Variants in FGGY observed in about 807,000 individuals in gnomAD.
The protein encoded by FGGY is FGGY carbohydrate kinase domain containing, also known as FGGY carbohydrate kinase domain-containing protein.
Under a neutral mutation model 71.3 loss-of-function variants are expected in FGGY, and 72 were observed. The ratio of observed to expected loss-of-function variants is 1.01; its 90% CI spans 0.84 to 1.23. The LOEUF (loss-of-function observed/expected upper bound fraction) is 1.23. Among genes scored for constraint, FGGY ranks in the 50% most tolerant of loss-of-function variants. The probability of loss-of-function intolerance (pLI) is 0.00; values close to 1 mark genes in which losing one functional copy is unlikely to be tolerated. For missense variants in FGGY, 668 were observed against 682.3 expected, an observed-to-expected ratio of 0.98 and a Z score of 0.23; for synonymous variants, 251 against 250.3, an observed-to-expected ratio of 1.00 and a Z score of -0.02.
At chr1:59,388,899 C>G (rs904307258) in intron 5 of FGGY, among the ~76,000 whole-genome samples, 1 of 152,042 alleles carries the variant, frequency 6.6e-6, no homozygotes, top group Non-Finnish European at 1.5e-5. Context: ...TTTATCACCC[C>G]AAACGGAAGC....
intron 5 of FGGY, among the ~76,000 whole-genome samples, chr1:59,426,586 C>T (rs187278565): frequency 1.1e-3 from 165 of 152,236 alleles, no homozygotes; most frequent in African/African-American, 3.8e-3. Context: ...TCAGGAGTTC[C>T]CCCATTGGAG....
intron 14 of FGGY, among the ~76,000 whole-genome samples, chr1:59,731,296 C>G (rs1250584299): frequency 1.3e-5 from 2 of 152,192 alleles, no homozygotes; most frequent in Non-Finnish European, 2.9e-5. Flanking sequence ...TGGGCTTCTG[C>G]TCTTTAAACC....
chr1:59,608,459 A>G (rs2096644678), intron 9 of FGGY, among the ~76,000 whole-genome samples: 1 of 152,036 alleles, frequency 6.6e-6, no homozygotes, highest in Non-Finnish European at 1.5e-5. Flanking sequence ...GTCCTTTAAG[A>G]TCCAACTCCA....
At chr1:59,668,885 G>A (rs886965878) in intron 13 of FGGY, among the ~76,000 whole-genome samples, 2 of 152,044 alleles carry the variant, frequency 1.3e-5, no homozygotes, top group East Asian at 1.9e-4. Context: ...CAGCTACTGG[G>A]GAGGCTGAGG....
intron 5 of FGGY, among the ~76,000 whole-genome samples, chr1:59,433,685 G>A (rs2067840098): frequency 6.6e-6 from 1 of 152,120 alleles, no homozygotes; most frequent in African/African-American, 2.4e-5. Context: ...TTCCAGATGT[G>A]TCACTGGTGA....
intron 1 of FGGY, among the ~76,000 whole-genome samples, chr1:59,312,769 C>T (rs2044606806): frequency 6.6e-6 from 1 of 152,118 alleles, no homozygotes; most frequent in African/African-American, 2.4e-5. Context: ...CTGTGTGGCT[C>T]TTGGAAGGTT....
chr1:59,450,462 A>G (rs919669396), intron 5 of FGGY, among the ~76,000 whole-genome samples: 1 of 152,170 alleles, frequency 6.6e-6, no homozygotes, highest in African/African-American at 2.4e-5. Context: ...TCCATTTGGT[A>G]TCTTTAACCC....
At chr1:59,673,970 G>T (rs1414725776) in intron 13 of FGGY, 69 bp from the exon 14 acceptor site, 4 of 1,417,174 alleles carry the variant, frequency 2.8e-6, no homozygotes, top group Non-Finnish European at 3.9e-6. Flanking sequence ...TGCCACTGCG[G>T]CTGCTTGTTG....
intron 6 of FGGY, among the ~76,000 whole-genome samples, chr1:59,464,236 G>A (rs547732636): frequency 3.7e-4 from 56 of 152,332 alleles, no homozygotes; most frequent in African/African-American, 1.3e-3. Flanking sequence ...CAACTACGTG[G>A]AAAGTGAACA....
chr1:59,712,054 A>G (rs1445515382), intron 14 of FGGY, among the ~76,000 whole-genome samples: 2 of 152,192 alleles, frequency 1.3e-5, no homozygotes, highest in African/African-American at 2.4e-5. Context: ...ATCAAAAGCA[A>G]GTTAGTTACT....
intron 4 of FGGY, among the ~76,000 whole-genome samples, chr1:59,357,688 C>G (rs144943276): frequency 6.6e-6 from 1 of 152,182 alleles, no homozygotes; most frequent in Non-Finnish European, 1.5e-5. Flanking sequence ...CCAAATCTAT[C>G]TTTTCATACC....
intron 14 of FGGY, among the ~76,000 whole-genome samples, chr1:59,721,978 A>T (rs1558905863): frequency 2.0e-5 from 3 of 152,212 alleles, no homozygotes. Flanking sequence ...TAATTAAAGC[A>T]CATATTTTAT....
At chr1:59,299,425 C>A (rs1263145112) in intron 1 of FGGY, among the ~76,000 whole-genome samples, 1 of 152,102 alleles carries the variant, frequency 6.6e-6, no homozygotes, top group Non-Finnish European at 1.5e-5. Context: ...AAAATTAATT[C>A]TGGCTGCAGT....
intron 6 of FGGY, among the ~76,000 whole-genome samples, chr1:59,466,694 C>G (rs951113419): frequency 6.6e-6 from 1 of 152,032 alleles, no homozygotes; most frequent in African/African-American, 2.4e-5. Flanking sequence ...AAGTGGGCAA[C>G]GGATATGAAC....
chr1:59,382,110 A>C (rs573166379), intron 5 of FGGY, among the ~76,000 whole-genome samples: 3 of 152,322 alleles, frequency 2.0e-5, no homozygotes, highest in African/African-American at 7.2e-5. Context: ...TTCCCAGAGG[A>C]TAGATAAACC....
chr1:59,424,122 TAATC>T (rs2153449263), intron 5 of FGGY, among the ~76,000 whole-genome samples: 2 of 152,352 alleles, frequency 1.3e-5, no homozygotes, highest in East Asian at 3.9e-4. Context: ...AAGAAGCTAA[TAATC>T]AATGCATGAA....
chr1:59,524,996 CAA>C (rs2094938123), intron 7 of FGGY, among the ~76,000 whole-genome samples: 1 of 152,236 alleles, frequency 6.6e-6, no homozygotes. Context: ...AGGGGCTCCC[CAA>C]GCCAGGGGTG....
At chr1:59,683,514 C>T (rs1421099710) in intron 14 of FGGY, among the ~76,000 whole-genome samples, 2 of 152,182 alleles carry the variant, frequency 1.3e-5, no homozygotes, top group Non-Finnish European at 2.9e-5. Context: ...TTTGTGAATA[C>T]GATGTTACTC....
intron 6 of FGGY, among the ~76,000 whole-genome samples, chr1:59,501,672 G>A (rs2094227969): frequency 6.6e-6 from 1 of 152,194 alleles, no homozygotes; most frequent in Non-Finnish European, 1.5e-5. Flanking sequence ...ACTCTAAAGA[G>A]AACACCTTCT....
Sources: allele counts gnomAD v4.1 joint callset (sites outside exome capture counted in the v4.1 genomes callset), GRCh38; gene constraint gnomAD v4.1.1; transcripts MANE v1.5; gene names NCBI Gene and HGNC (gene_info 2026-07-23, HGNC 2026-07-21).